SPECC1: variants seen among roughly 807,000 people sequenced by gnomAD.
SPECC1 encodes sperm antigen with calponin homology and coiled-coil domains 1, also known as cytospin-B.
A neutral mutation model predicts 104.1 loss-of-function variants in SPECC1; 62 were observed. The ratio of observed to expected loss-of-function variants is 0.60; its 90% CI spans 0.49 to 0.74. The LOEUF (loss-of-function observed/expected upper bound fraction) is 0.74. SPECC1 is among the 30% of genes least tolerant of loss of function. The pLI is 0.00. For synonymous variants in SPECC1, 513 were observed against 501.6 expected (o/e 1.02, Z -0.30); for missense variants, 1,306 against 1,310.5 (o/e 1.00, Z 0.05).
At position 20,210,091 on chromosome 17, in the gene SPECC1, A is replaced by G. The variant is rs79299234; in HGVS notation, c.1863+4179A>G. Among the ~76,000 whole-genome samples, 1,454 of 152,284 alleles carry G rather than the reference A, an allele frequency of 9.5e-3. 26 individuals carry two copies. Among genetic ancestry groups the G allele is most frequent in the East Asian group, 0.082 (427 of 5,176 alleles). ...GTGGGTCCTAGAGCCAAACTGATTTAGAGTGGCCAGTGGTCAGAGATGGCA... is the reference window on the plus strand; with the variant it reads ...GTGGGTCCTAGAGCCAAACTGATTTGGAGTGGCCAGTGGTCAGAGATGGCA... On this transcript the variant is annotated intron_variant, in intron 4 of 14. Transcript: ENST00000395527.
At chr17:20,293,320 C>T (rs2034109) in intron 12 of SPECC1, among the ~76,000 whole-genome samples, 107,758 of 152,082 alleles carry the variant, frequency 0.71, 39,972 homozygotes, top group East Asian at 0.99. Flanking sequence ...AGAACCTCTT[C>T]ACACACACTT....
intron 1 of SPECC1, among the ~76,000 whole-genome samples, chr17:20,065,263 C>T (rs758639992): frequency 1.5e-4 from 23 of 152,146 alleles, no homozygotes; most frequent in Non-Finnish European, 3.2e-4. Flanking sequence ...ACGCTGTCTA[C>T]CTGGAGAGAG....
chr17:20,262,956 G>C (rs920332294), intron 12 of SPECC1, among the ~76,000 whole-genome samples: 1 of 152,098 alleles, frequency 6.6e-6, no homozygotes, highest in Admixed American at 6.5e-5. Flanking sequence ...GCTGCAGTGA[G>C]CTGAGATAGC....
intron 1 of SPECC1, among the ~76,000 whole-genome samples, chr17:20,015,078 C>T (rs2044067544): frequency 6.6e-6 from 1 of 152,110 alleles, no homozygotes. Context: ...AAGAGTGGAT[C>T]TCTTTTGTTC....
chr17:20,026,060 T>G (rs2152437285), intron 1 of SPECC1, among the ~76,000 whole-genome samples: 1 of 151,874 alleles, frequency 6.6e-6, no homozygotes, highest in South Asian at 2.1e-4. Context: ...TGAATTGGGT[T>G]GTTTTGTTGT....
chr17:20,186,806 G>T (rs969496430), intron 3 of SPECC1, among the ~76,000 whole-genome samples: 1 of 152,070 alleles, frequency 6.6e-6, no homozygotes, highest in Non-Finnish European at 1.5e-5. Context: ...GGCTCAAGCA[G>T]TGCTCCTGCC....
At position 20,043,505 on chromosome 17, in the gene SPECC1, A is replaced by G. The variant is rs545514984; in HGVS notation, c.-22+34081A>G. 2.0e-5 allele frequency among the ~76,000 whole-genome samples: 3 copies of G among 152,326 alleles called. No homozygotes were observed. The East Asian group carries it at 5.8e-4, about 29-fold the overall frequency. ...ATCCTTTTGTTCTCTTTTTAGTACC[A>G]ATATGTATTTTAATTCATGTTTTAT... On this transcript the variant is annotated intron_variant, in intron 1 of 14. Coordinates refer to ENST00000395527, the MANE Select transcript of SPECC1 (RefSeq NM_001243439.2).
chr17:20,050,070 G>A (rs2045681960), intron 1 of SPECC1, among the ~76,000 whole-genome samples: 1 of 152,096 alleles, frequency 6.6e-6, no homozygotes, highest in South Asian at 2.1e-4. Context: ...GCCCACCTTG[G>A]CCTCCCAAAG....
At chr17:20,262,498 G>A (rs924530062) in intron 12 of SPECC1, among the ~76,000 whole-genome samples, 5 of 152,208 alleles carry the variant, frequency 3.3e-5, no homozygotes, top group Admixed American at 2.6e-4. Flanking sequence ...TGTGGGTAAT[G>A]TGTAGTACTG....
chr17:20,286,334 AT>A (rs1206945651), intron 12 of SPECC1, among the ~76,000 whole-genome samples: 1 of 152,108 alleles, frequency 6.6e-6, no homozygotes, highest in Non-Finnish European at 1.5e-5. Context: ...GCTGCTTTTC[AT>A]TTTCTTCTCA....
In SPECC1 at chr17:20,091,927, C is replaced by T. The variant is rs569231321; in HGVS notation, c.-21-4704C>T. Among the ~76,000 whole-genome samples, 7 of 152,314 alleles carry T rather than the reference C, an allele frequency of 4.6e-5. 1 individual carries two copies. In the East Asian group the frequency reaches 9.7e-4, roughly 21 times the overall value. On this transcript the variant is annotated intron_variant, in intron 1 of 14. Transcript: ENST00000395527. ...CTGAGGCCCGAGATAACCTCTCCAA[C>T]GCAGGCTCCGAAGGCAGCAATTTAG...
At chr17:20,158,382 G>A (rs543505002) in intron 3 of SPECC1, among the ~76,000 whole-genome samples, 1 of 152,226 alleles carries the variant, frequency 6.6e-6, no homozygotes, top group Non-Finnish European at 1.5e-5. Flanking sequence ...ATAGGGATAG[G>A]AAGCAGAATT....
chr17:20,082,682 TTA>T (rs897963137), intron 1 of SPECC1, among the ~76,000 whole-genome samples: 1 of 152,198 alleles, frequency 6.6e-6, no homozygotes, highest in Non-Finnish European at 1.5e-5. Flanking sequence ...TAATCTTTTC[TTA>T]TATGGACATC....
At chr17:20,257,304 C>T (rs1267632378) in intron 10 of SPECC1, 147 bp from the exon 11 acceptor site, 3 of 879,786 alleles carry the variant, frequency 3.4e-6, no homozygotes, top group African/African-American at 3.5e-5. Context: ...GAATCCACAT[C>T]CCTATTGCAT....
intron 12 of SPECC1, among the ~76,000 whole-genome samples, chr17:20,281,714 G>C (rs932356918): frequency 6.6e-6 from 1 of 152,212 alleles, no homozygotes; most frequent in Non-Finnish European, 1.5e-5. Context: ...AGCCAGCAGA[G>C]CTATGCATGA....
chr17:20,166,814 A>T (rs903774431), intron 3 of SPECC1, among the ~76,000 whole-genome samples: 2 of 152,148 alleles, frequency 1.3e-5, no homozygotes, highest in East Asian at 1.9e-4. Context: ...AACTGAGAAG[A>T]CAACCCCAAA....
chr17:20,118,345 A>C (rs981795111), intron 3 of SPECC1, among the ~76,000 whole-genome samples: 5 of 152,220 alleles, frequency 3.3e-5, no homozygotes, highest in African/African-American at 1.2e-4. Context: ...TTCTTGGAAA[A>C]GGATGCCAAC....
intron 1 of SPECC1, among the ~76,000 whole-genome samples, chr17:20,087,294 CTG>C (rs1465682584): frequency 3.9e-5 from 6 of 152,210 alleles, no homozygotes; most frequent in Non-Finnish European, 7.3e-5. Context: ...TCAAGCATGA[CTG>C]TGAGTTAAGA....
intron 3 of SPECC1, among the ~76,000 whole-genome samples, chr17:20,119,287 A>G (rs2048911668): frequency 6.6e-6 from 1 of 152,198 alleles, no homozygotes; most frequent in East Asian, 1.9e-4. Flanking sequence ...CTTGTTGCCC[A>G]GGCTGGAGTG....
Sources: gnomAD v4.1 joint callset for allele counts (sites outside exome capture counted in the v4.1 genomes callset) on GRCh38, gnomAD v4.1.1 for gene constraint, MANE v1.5 for transcripts, NCBI Gene and HGNC (gene_info 2026-07-23, HGNC 2026-07-21) for gene names.